ST6GALNAC1: variants seen among roughly 807,000 people sequenced by gnomAD.
ST6GALNAC1 encodes the protein alpha-N-acetylgalactosaminide alpha-2,6-sialyltransferase 1.
Under a neutral mutation model 56.8 loss-of-function variants are expected in ST6GALNAC1, and 45 were observed. The observed-to-expected ratio is 0.79, with a 90% CI of 0.62 to 1.02. ST6GALNAC1 has a LOEUF of 1.02. Ranked by LOEUF, ST6GALNAC1 falls within the 50% of genes least tolerant of loss-of-function variation. The probability of loss-of-function intolerance (pLI) is 0.00; values close to 1 mark genes in which losing one functional copy is unlikely to be tolerated. For missense variants in ST6GALNAC1, 743 were observed against 754.8 expected (o/e 0.98, Z 0.18); for synonymous variants, 295 against 297.8 (o/e 0.99, Z 0.10).
chr17:76,619,574 A>G, the ST6GALNAC1 span, among the ~76,000 whole-genome samples: 6 of 152,152 alleles, frequency 3.9e-5, no homozygotes, highest in Non-Finnish European at 8.8e-5. Flanking sequence ...GAAACCTGTA[A>G]TTCATTGAAA....
At chr17:76,617,970 C>T in the ST6GALNAC1 span, among the ~76,000 whole-genome samples, 6 of 152,154 alleles carry the variant, frequency 3.9e-5, no homozygotes, top group South Asian at 4.1e-4. Flanking sequence ...TCAAGGGACC[C>T]GCATGCTGCT....
chr17:76,625,739 A>ACTGT, intron 8 of ST6GALNAC1, 80 bp downstream of exon 8: 1 of 1,301,026 alleles, frequency 7.7e-7, no homozygotes, highest in Non-Finnish European at 1.0e-6. Flanking sequence ...CAGCCCATGC[A>ACTGT]CTGTCCTATG....
At chr17:76,631,739 GT>G (rs2075904268) in intron 1 of ST6GALNAC1, among the ~76,000 whole-genome samples, 1 of 152,098 alleles carries the variant, frequency 6.6e-6, no homozygotes, top group African/African-American at 2.4e-5. Flanking sequence ...GCAGAAGACT[GT>G]GGCCCCCTTG....
At chr17:76,624,407 G>A (rs981284514), downstream of ST6GALNAC1, among the ~76,000 whole-genome samples, 14 of 151,876 alleles carry the variant, frequency 9.2e-5, no homozygotes, top group African/African-American at 2.9e-4. Context: ...CCGCCACCAC[G>A]CCCGGCTTAC....
At chr17:76,636,093 A>T (rs1022590261) in intron 1 of ST6GALNAC1, among the ~76,000 whole-genome samples, 2 of 152,176 alleles carry the variant, frequency 1.3e-5, no homozygotes, top group Non-Finnish European at 2.9e-5. Flanking sequence ...TAAAACATGA[A>T]AGGATAGCAA....
chr17:76,643,387 C>T, intron 1 of ST6GALNAC1, 121 bp downstream of exon 1: 2 of 1,080,428 alleles, frequency 1.9e-6, no homozygotes, highest in Non-Finnish European at 2.6e-6. Flanking sequence ...ACACTCCTGA[C>T]CCCTGACACT....
intron 1 of ST6GALNAC1, 123 bp downstream of exon 1, chr17:76,643,385 G>A: frequency 9.4e-7 from 1 of 1,064,706 alleles, no homozygotes; most frequent in Middle Eastern, 2.1e-4. Flanking sequence ...GAACACTCCT[G>A]ACCCCTGACA....
intron 1 of ST6GALNAC1, among the ~76,000 whole-genome samples, chr17:76,631,377 A>C (rs1192991989): frequency 6.6e-6 from 1 of 152,204 alleles, no homozygotes; most frequent in African/African-American, 2.4e-5. Context: ...GGTTGGACTG[A>C]GATATGGAGC....
Position 76,625,989 on chromosome 17 carries a change from G to A in ST6GALNAC1, c.1505+17C>T, listed in dbSNP as rs202185117. On this transcript the variant is annotated intron_variant, in intron 7 of 8. Transcript: ENST00000156626. ...AACAGGGACCTGGGCTACGTGTCACGTGCTTTCTGCTCTAACCTGTTCTTC... is the reference window on the plus strand; with the variant it reads ...AACAGGGACCTGGGCTACGTGTCACATGCTTTCTGCTCTAACCTGTTCTTC... The A allele has an allele frequency of 1.8e-4, 294 of 1,613,492 alleles. 1 individual carries two copies. The East Asian group carries it at 6.2e-3, about 34-fold the overall frequency.
intron 1 of ST6GALNAC1, among the ~76,000 whole-genome samples, chr17:76,634,433 C>A (rs1395961345): frequency 6.6e-6 from 1 of 152,156 alleles, no homozygotes. Flanking sequence ...GCCTCCTGTG[C>A]CCCACATTGT....
intron 1 of ST6GALNAC1, chr17:76,633,504 C>T (rs781124182): frequency 2.6e-5 from 4 of 152,206 alleles, no homozygotes; most frequent in Non-Finnish European, 5.9e-5. Flanking sequence ...GAGCGAAACT[C>T]CATCTCAAAT....
intron 5 of ST6GALNAC1, 114 bp from the exon 6 acceptor site, chr17:76,626,506 GTCC>G: frequency 6.7e-7 from 1 of 1,497,658 alleles, no homozygotes; most frequent in Non-Finnish European, 9.2e-7. Context: ...TGGTCTGACT[GTCC>G]TCCCCACTCC....
chr17:76,627,724 T>C lies in ST6GALNAC1; in HGVS notation c.832-141A>G. ...CCTCTTCCATTCTGTTCTCAGGGTCTGCTTACCCTCCCCTTCCCATTGTCT... is the reference window on the plus strand; with the variant it reads ...CCTCTTCCATTCTGTTCTCAGGGTCCGCTTACCCTCCCCTTCCCATTGTCT... On this transcript the variant is annotated intron_variant, in intron 2 of 8. Transcript: ENST00000156626. The surrounding 1 kb of genome is among the most constrained non-coding windows in gnomAD (Gnocchi z 4.4). The C allele has an allele frequency of 1.4e-6, 1 of 732,114 alleles. No individual in the cohort carries two copies. Among genetic ancestry groups the C allele is most frequent in the East Asian group, 2.6e-5 (1 of 38,206 alleles). 45.4% of individuals were successfully genotyped at this position (732,114 alleles called of 1,614,324 possible).
At chr17:76,641,450 A>G (rs1598311579) in intron 1 of ST6GALNAC1, among the ~76,000 whole-genome samples, 1 of 152,240 alleles carries the variant, frequency 6.6e-6, no homozygotes, top group African/African-American at 2.4e-5. Flanking sequence ...ATAAAAAGGA[A>G]GAAAAGATAT....
chr17:76,621,339 C>A (rs567566712), downstream of ST6GALNAC1, among the ~76,000 whole-genome samples: 2 of 151,456 alleles, frequency 1.3e-5, no homozygotes, highest in African/African-American at 4.9e-5. Flanking sequence ...CACGCCACCA[C>A]GCCCAGCTAA....
At chr17:76,642,130 C>A (rs1410171203) in intron 1 of ST6GALNAC1, among the ~76,000 whole-genome samples, 1 of 151,536 alleles carries the variant, frequency 6.6e-6, no homozygotes, top group Non-Finnish European at 1.5e-5. Context: ...TATCTCCATA[C>A]TATATATAGA....
At chr17:76,632,219 C>A (rs1345652223) in intron 1 of ST6GALNAC1, among the ~76,000 whole-genome samples, 1 of 152,186 alleles carries the variant, frequency 6.6e-6, no homozygotes, top group Non-Finnish European at 1.5e-5. Context: ...CTCCGGCAGC[C>A]CTCGGCAGAG....
At chr17:76,631,522 G>A (rs1482628580) in intron 1 of ST6GALNAC1, among the ~76,000 whole-genome samples, 1 of 152,160 alleles carries the variant, frequency 6.6e-6, no homozygotes, top group Non-Finnish European at 1.5e-5. Context: ...AAGTAGTTGA[G>A]CCTCTGGGGG....
Position 76,625,210 on chromosome 17 carries a change from G to C in ST6GALNAC1, c.*120C>G, listed in dbSNP as rs2075777991. ...TGTCCATGGTTCAAGTGTTCCCTTGGAACTCCTGAAGGGCTTGGAGCTTAG... is the reference window on the plus strand; with the variant it reads ...TGTCCATGGTTCAAGTGTTCCCTTGCAACTCCTGAAGGGCTTGGAGCTTAG... On this transcript the variant is annotated 3_prime_UTR_variant, in exon 9 of 9. Coordinates refer to ENST00000156626, the MANE Select transcript of ST6GALNAC1 (RefSeq NM_018414.5). 9.6e-7 allele frequency: 1 copy of C among 1,037,170 alleles called. No individual in the cohort carries two copies. The highest frequency in any genetic ancestry group is 2.6e-5 in the East Asian group (1 of 38,486). The allele number at this position is 1,037,170 out of a possible 1,614,324, so 64.2% of individuals were successfully genotyped here. A position where few individuals can be genotyped will look rare whatever the true frequency, so the allele number is the denominator to read the frequency against.
Sources: allele counts gnomAD v4.1 joint callset (sites outside exome capture counted in the v4.1 genomes callset), GRCh38; gene constraint gnomAD v4.1.1; non-coding constraint Gnocchi (gnomAD v3.1); transcripts MANE v1.5; gene names NCBI Gene and HGNC (gene_info 2026-07-23, HGNC 2026-07-21).